The following HHAT variants were observed in gnomAD, a reference collection of about 807,000 sequenced individuals.
HHAT encodes the protein hedgehog acyltransferase.
In HHAT, 47 loss-of-function variants were observed where a neutral mutation model predicts 70.8. The observed-to-expected ratio is 0.66, with a 90% CI of 0.53 to 0.85. HHAT has a LOEUF of 0.85. Ranked by LOEUF, HHAT falls within the 40% of genes least tolerant of loss-of-function variation. The pLI is 0.00. For missense variants in HHAT, 609 were observed against 604.8 expected, an observed-to-expected ratio of 1.01 and a Z score of -0.07; for synonymous variants, 228 against 247.6, an observed-to-expected ratio of 0.92 and a Z score of 0.74.
At chr1:210,480,032 A>G (rs946853293) in intron 8 of HHAT, among the ~76,000 whole-genome samples, 8 of 152,150 alleles carry the variant, frequency 5.3e-5, no homozygotes, top group Non-Finnish European at 7.4e-5. Flanking sequence ...TGAGAATTTA[A>G]TCTTTCTGTA....
chr1:210,399,135 C>A (rs983443669), intron 4 of HHAT, among the ~76,000 whole-genome samples: 1 of 152,190 alleles, frequency 6.6e-6, no homozygotes, highest in Non-Finnish European at 1.5e-5. Flanking sequence ...TTCGGTGGTT[C>A]CTGGGATCCA....
At chr1:210,532,298 T>A (rs2095323142) in intron 9 of HHAT, among the ~76,000 whole-genome samples, 1 of 152,232 alleles carries the variant, frequency 6.6e-6, no homozygotes, top group Non-Finnish European at 1.5e-5. Flanking sequence ...ATTTTTCAGT[T>A]GTAATAAAAT....
chr1:210,637,459 A>G (rs1422612060), intron 11 of HHAT, among the ~76,000 whole-genome samples: 1 of 152,210 alleles, frequency 6.6e-6, no homozygotes, highest in Non-Finnish European at 1.5e-5. Flanking sequence ...GACAACATCA[A>G]GAAAACGAAA....
At chr1:210,436,528 A>G (rs1199266141) in intron 7 of HHAT, among the ~76,000 whole-genome samples, 1 of 151,598 alleles carries the variant, frequency 6.6e-6, no homozygotes, top group Non-Finnish European at 1.5e-5. Context: ...TGATGGGGAT[A>G]GAGCAGTTTC....
chr1:210,342,750 G>A (rs2086145858), intron 1 of HHAT, among the ~76,000 whole-genome samples: 1 of 152,206 alleles, frequency 6.6e-6, no homozygotes, highest in Admixed American at 6.5e-5. Flanking sequence ...TTTAGAGTAT[G>A]AGAAATGGAA....
chr1:210,575,430 C>T (rs1305866321), intron 9 of HHAT, among the ~76,000 whole-genome samples: 1 of 147,712 alleles, frequency 6.8e-6, no homozygotes, highest in African/African-American at 2.4e-5. Flanking sequence ...CCCACTGTGT[C>T]TCCTTTGCCC....
At chr1:210,626,546 A>T (rs1388667847) in intron 11 of HHAT, among the ~76,000 whole-genome samples, 1 of 152,096 alleles carries the variant, frequency 6.6e-6, no homozygotes, top group African/African-American at 2.4e-5. Context: ...GAGTCAGGGA[A>T]TGTCTGCTGG....
chr1:210,615,230 C>A (rs1667442700), intron 10 of HHAT, among the ~76,000 whole-genome samples: 1 of 152,168 alleles, frequency 6.6e-6, no homozygotes. Context: ...AGTGTCTGTT[C>A]ATATCCTTCA....
At chr1:210,485,902 C>A (rs2094466564) in intron 8 of HHAT, among the ~76,000 whole-genome samples, 1 of 152,084 alleles carries the variant, frequency 6.6e-6, no homozygotes, top group Non-Finnish European at 1.5e-5. Flanking sequence ...AGACTGTATG[C>A]CCTGTGTTGT....
intron 3 of HHAT, among the ~76,000 whole-genome samples, chr1:210,382,237 C>T (rs983792504): frequency 6.6e-6 from 1 of 152,154 alleles, no homozygotes; most frequent in African/African-American, 2.4e-5. Context: ...GAAGAGGGGA[C>T]GACCCCTTCT....
intron 9 of HHAT, among the ~76,000 whole-genome samples, chr1:210,513,530 C>T (rs1369358596): frequency 6.6e-6 from 1 of 152,210 alleles, no homozygotes; most frequent in Non-Finnish European, 1.5e-5. Context: ...ATTTTCCCTC[C>T]ACTGAATTTA....
chr1:210,444,725 G>A lies in HHAT; in HGVS notation c.857-19780G>A, dbSNP rs576331474. ...GACTGGGTGTCACTATTTTGCCCAGGCTGGCCTCAAACTCCTGGATTTGAG... is the reference window on the plus strand; with the variant it reads ...GACTGGGTGTCACTATTTTGCCCAGACTGGCCTCAAACTCCTGGATTTGAG... On this transcript the variant is annotated intron_variant, in intron 7 of 11. Transcript: ENST00000261458. Among the ~76,000 whole-genome samples the A allele has an allele frequency of 1.2e-4, 19 of 152,226 alleles. No homozygotes were observed. The South Asian group carries it at 3.7e-3, about 30-fold the overall frequency.
At chr1:210,443,362 T>A (rs2093567713) in intron 7 of HHAT, among the ~76,000 whole-genome samples, 2 of 151,118 alleles carry the variant, frequency 1.3e-5, no homozygotes, top group African/African-American at 4.9e-5. Flanking sequence ...TTTAAAGTAG[T>A]TTTTTCCAAT....
At chr1:210,370,046 T>C (rs144220393) in intron 3 of HHAT, among the ~76,000 whole-genome samples, 102 of 152,156 alleles carry the variant, frequency 6.7e-4, no homozygotes, top group African/African-American at 2.0e-3. Flanking sequence ...GTCTCTCTCT[T>C]CTTTCTCTTC....
intron 3 of HHAT, among the ~76,000 whole-genome samples, chr1:210,381,056 A>G (rs1366461715): frequency 1.3e-5 from 2 of 151,866 alleles, no homozygotes; most frequent in Non-Finnish European, 2.9e-5. Flanking sequence ...TGGAAGGAAT[A>G]AGGCTAAATG....
At chr1:210,664,515 G>C (rs1202345985) in intron 11 of HHAT, among the ~76,000 whole-genome samples, 1 of 152,196 alleles carries the variant, frequency 6.6e-6, no homozygotes, top group Non-Finnish European at 1.5e-5. Context: ...TTCCAGATCC[G>C]GTGTCAGCAC....
At chr1:210,366,573 G>A (rs1027438665) in intron 3 of HHAT, among the ~76,000 whole-genome samples, 19 of 152,160 alleles carry the variant, frequency 1.2e-4, no homozygotes, top group African/African-American at 4.6e-4. Flanking sequence ...CAGAGATCGT[G>A]CCACTGCACT....
At chr1:210,624,376 A>G (rs187271207) in intron 11 of HHAT, among the ~76,000 whole-genome samples, 168 of 152,326 alleles carry the variant, frequency 1.1e-3, no homozygotes, top group Middle Eastern at 3.4e-3. Flanking sequence ...GTTATAATCA[A>G]CAGACAACAA....
intron 8 of HHAT, among the ~76,000 whole-genome samples, chr1:210,498,777 T>G (rs2094698776): frequency 6.7e-6 from 1 of 150,042 alleles, no homozygotes; most frequent in African/African-American, 2.4e-5. Context: ...TTTTTTTCTT[T>G]TTTTTTTTTT....
Sources: gnomAD v4.1 joint callset for allele counts (sites outside exome capture counted in the v4.1 genomes callset) on GRCh38, gnomAD v4.1.1 for gene constraint, MANE v1.5 for transcripts, NCBI Gene and HGNC (gene_info 2026-07-23, HGNC 2026-07-21) for gene names.